The following GALP variants were observed in gnomAD, a reference collection of about 807,000 sequenced individuals.
The protein encoded by GALP is galanin like peptide.
In GALP, 12 loss-of-function variants were observed where a neutral mutation model predicts 15.2. The observed-to-expected ratio is 0.79, with a 90% CI of 0.51 to 1.28. The LOEUF (loss-of-function observed/expected upper bound fraction) is 1.28, where lower values mean the gene tolerates loss of function less well. Ranked by LOEUF, GALP falls within the 50% of genes most tolerant of loss-of-function variation. The probability of loss-of-function intolerance (pLI) is 0.00; values close to 1 mark genes in which losing one functional copy is unlikely to be tolerated. For synonymous variants in GALP, 58 were observed against 55.1 expected (o/e 1.05, Z -0.23); for missense variants, 161 against 145.6 (o/e 1.11, Z -0.55).
chr19:56,182,336 C>A, intron 4 of GALP, 84 bp downstream of exon 4: 1 of 958,550 alleles, frequency 1.0e-6, no homozygotes, highest in Non-Finnish European at 1.6e-6. Flanking sequence ...TAGATGTGAG[C>A]TCCAGCCCTC....
chr19:56,180,915 CTTTTTTTTTT>C (rs1174325788), intron 3 of GALP, among the ~76,000 whole-genome samples: 1 of 40,130 alleles, frequency 2.5e-5, no homozygotes, highest in Non-Finnish European at 4.7e-5. Context: ...TTCTTTCTTT[CTTTTTTTTTT>C]TTTTTTTTTT....
Position 56,182,262 on chromosome 19 carries a change from C to A in GALP, c.217+10C>A. ...CTGTGGAAGGCCATCGGTGAGTGAG[C>A]GGGGAGTTAGACGTCTTCTCCTGCG... On this transcript the variant is annotated intron_variant, in intron 4 of 5. Coordinates refer to ENST00000357330, the MANE Select transcript of GALP (RefSeq NM_033106.4). 6.2e-7 allele frequency: 1 copy of A among 1,604,914 alleles called. No individual in the cohort carries two copies. Among genetic ancestry groups the A allele is most frequent in the Non-Finnish European group, 8.5e-7 (1 of 1,171,762 alleles).
chr19:56,178,550 C>T (rs763680332), intron 2 of GALP, among the ~76,000 whole-genome samples: 2 of 137,034 alleles, frequency 1.5e-5, no homozygotes, highest in African/African-American at 2.8e-5. Context: ...AAAGAGACGC[C>T]GGCTTGGCAT....
In GALP at chr19:56,178,521, C is replaced by CAACAAAA. The variant is rs57740707; in HGVS notation, c.87+1328_87+1329insCAAAAAA. Among the ~76,000 whole-genome samples the CAACAAAA allele has an allele frequency of 2.7e-3, 228 of 85,768 alleles. 3 individuals carry two copies. The highest frequency in any genetic ancestry group is 8.6e-3 in the African/African-American group (196 of 22,826). 56.3% of individuals were successfully genotyped at this position (85,768 alleles called of 152,430 possible). A position where few individuals can be genotyped will look rare whatever the true frequency, so the allele number is the denominator to read the frequency against. ...AGAAAAGAAATGCTAACAACAACAA[C>CAACAAAA]AAAAAAAAAAAAAAAAAAAAAGAGA... On this transcript the variant is annotated intron_variant, in intron 2 of 5. Transcript: ENST00000357330.
intron 2 of GALP, among the ~76,000 whole-genome samples, chr19:56,177,764 A>G (rs956457685): frequency 1.3e-5 from 2 of 152,174 alleles, no homozygotes; most frequent in African/African-American, 4.8e-5. Context: ...GTGTGACTTC[A>G]GTCACATTGC....
At chr19:56,183,035 C>T (rs2032593284) in intron 4 of GALP, 100 bp from the exon 5 acceptor site, 3 of 802,158 alleles carry the variant, frequency 3.7e-6, no homozygotes, top group Admixed American at 2.0e-5. Context: ...GGGAAGGACC[C>T]AGTGTCTCTT....
At chr19:56,179,753 C>T (rs1312780214) in intron 2 of GALP, among the ~76,000 whole-genome samples, 1 of 151,774 alleles carries the variant, frequency 6.6e-6, no homozygotes, top group Non-Finnish European at 1.5e-5. Flanking sequence ...AAGTGATCCT[C>T]CCACCTACAG....
intron 2 of GALP, among the ~76,000 whole-genome samples, chr19:56,179,327 A>C (rs1290300532): frequency 2.4e-5 from 2 of 84,142 alleles, no homozygotes; most frequent in South Asian, 7.4e-4. Context: ...TTTTTTTTTG[A>C]GACGGAATTT....
intron 3 of GALP, 63 bp from the exon 4 acceptor site, chr19:56,182,109 C>T: frequency 6.9e-6 from 8 of 1,153,182 alleles, no homozygotes; most frequent in Admixed American, 3.4e-5. Context: ...AATTGATGGA[C>T]GATGTGTTTC....
intron 1 of GALP, 142 bp from the exon 2 acceptor site, chr19:56,176,928 C>T: frequency 3.6e-6 from 2 of 562,124 alleles, no homozygotes; most frequent in Non-Finnish European, 6.2e-6. Flanking sequence ...CGTCCAAACT[C>T]CTCAAGATGT....
chr19:56,180,335 T>C (rs538480985), intron 2 of GALP, among the ~76,000 whole-genome samples: 7 of 152,300 alleles, frequency 4.6e-5, no homozygotes, highest in African/African-American at 1.7e-4. Context: ...CAATTCCCCA[T>C]TTCTCCTTCC....
At chr19:56,180,915 C>CTTTCTTTCTTTT (rs2032555862) in intron 3 of GALP, among the ~76,000 whole-genome samples, 1 of 40,130 alleles carries the variant, frequency 2.5e-5, no homozygotes, top group African/African-American at 8.8e-5. Context: ...TTCTTTCTTT[C>CTTTCTTTCTTTT]TTTTTTTTTT....
At chr19:56,184,928 T>C (rs1860722328) in intron 5 of GALP, among the ~76,000 whole-genome samples, 1 of 152,226 alleles carries the variant, frequency 6.6e-6, no homozygotes, top group African/African-American at 2.4e-5. Flanking sequence ...GATTACATTC[T>C]GACTCTTGAA....
At position 56,177,181 on chromosome 19, in the gene GALP, G is replaced by T; in HGVS notation, c.73G>T (p.Ala25Ser). 1 of 1,613,130 alleles carries T rather than the reference G, an allele frequency of 6.2e-7. No homozygotes were observed. The highest frequency in any genetic ancestry group is 8.5e-7 in the Non-Finnish European group (1 of 1,179,636). ...LLSLAETPAS[A>S]PAHRGRGGWT... is the part of the protein sequence containing the mutation. ...GAGCCTGGCAGAGACTCCAGCATCC[G>T]CACCTGCCCACCGGGTAACGCCTCC... Residue 25 changes from alanine (A) to serine (S), a missense_variant, in exon 2 of 6, where the codon GCA becomes TCA. Transcript: ENST00000357330.
At position 56,183,709 on chromosome 19, in the gene GALP, T is replaced by C. The variant is rs575541338; in HGVS notation, c.295+497T>C. ...ACCTTCCGTGTTCAAGCGATTCTTCTGCCTCAGCCTCCCGAGTAGCTGGGA... is the reference window on the plus strand; with the variant it reads ...ACCTTCCGTGTTCAAGCGATTCTTCCGCCTCAGCCTCCCGAGTAGCTGGGA... On this transcript the variant is annotated intron_variant, in intron 5 of 5. Coordinates refer to ENST00000357330, the MANE Select transcript of GALP (RefSeq NM_033106.4). Among the ~76,000 whole-genome samples the C allele has an allele frequency of 3.3e-5, 5 of 152,314 alleles. No homozygotes were observed. In the South Asian group the frequency reaches 1.0e-3, roughly 32 times the overall value.
rs553459016 is a variant in GALP at position 56,183,213 on chromosome 19, G to A, written c.295+1G>A. On this transcript the variant is annotated splice_donor_variant, in intron 5 of 5. Transcript: ENST00000357330. LOFTEE classifies it high-confidence loss of function. ...ACGTTTGCCAAACCAGAGATTGGAGGTAAAGCCAGGAAACACAGAAGAGAG... is the reference window on the plus strand; with the variant it reads ...ACGTTTGCCAAACCAGAGATTGGAGATAAAGCCAGGAAACACAGAAGAGAG... 1.9e-6 allele frequency: 3 copies of A among 1,611,390 alleles called. No homozygotes were observed. Among genetic ancestry groups the A allele is most frequent in the Admixed American group, 3.3e-5 (2 of 60,010 alleles).
rs1248740146 is a variant in GALP, at chr19:56,182,062, T to C, written c.137-110T>C. The C allele has an allele frequency of 4.3e-5, 34 of 782,808 alleles. No homozygotes were observed. The Admixed American group carries it at 4.6e-4, about 11-fold the overall frequency. The allele number at this position is 782,808 out of a possible 1,614,324, so 48.5% of individuals were successfully genotyped here. A position where few individuals can be genotyped will look rare whatever the true frequency, so the allele number is the denominator to read the frequency against. ...TCAACACGCACCCCGTCCGACAGAC[T>C]TGGTGGAGGCGCTGCGTCCGGTGAG... On this transcript the variant is annotated intron_variant, in intron 3 of 5. Transcript: ENST00000357330.
intron 2 of GALP, among the ~76,000 whole-genome samples, chr19:56,178,805 T>A (rs1278252311): frequency 6.6e-6 from 1 of 152,196 alleles, no homozygotes; most frequent in Non-Finnish European, 1.5e-5. Flanking sequence ...TTGCAGTTGG[T>A]TCTATTTTGC....
At chr19:56,178,359 A>G (rs1295484266) in intron 2 of GALP, among the ~76,000 whole-genome samples, 2 of 151,810 alleles carry the variant, frequency 1.3e-5, no homozygotes, top group Admixed American at 1.3e-4. Flanking sequence ...GCTACTTGGG[A>G]GGCTGAGGCA....
Sources: allele counts gnomAD v4.1 joint callset (sites outside exome capture counted in the v4.1 genomes callset), GRCh38; gene constraint gnomAD v4.1.1; transcripts MANE v1.5; gene names NCBI Gene and HGNC (gene_info 2026-07-23, HGNC 2026-07-21).